The following ZNF324B variants were observed in gnomAD, a reference collection of about 807,000 sequenced individuals.
The protein encoded by ZNF324B is zinc finger protein 324B.
Under a neutral mutation model 10.6 loss-of-function variants are expected in ZNF324B, and 7 were observed. That is an observed-to-expected ratio of 0.66 (90% confidence interval 0.38 to 1.24). ZNF324B has a LOEUF of 1.24. Among genes scored for constraint, ZNF324B ranks in the 50% most tolerant of loss-of-function variants. The pLI is 0.02. For missense variants in ZNF324B, 640 were observed against 764.7 expected (o/e 0.84, Z 1.92); for synonymous variants, 316 against 321.0 (o/e 0.98, Z 0.17).
chr19:58,435,232 G>T, the ZNF324B span: 1 of 1,590,662 alleles, frequency 6.3e-7, no homozygotes, highest in Non-Finnish European at 8.6e-7. Context: ...AGAAATGCCA[G>T]TTAACTAAGA....
chr19:58,444,165 T>A, the ZNF324B span: 1,085 of 152,230 alleles, frequency 7.1e-3, 5 homozygotes, highest in Non-Finnish European at 8.7e-3. Flanking sequence ...TTAAAAAAAA[T>A]TTTCCTGACC....
At chr19:58,424,369 C>CAT in the ZNF324B span, among the ~76,000 whole-genome samples, 2 of 152,130 alleles carry the variant, frequency 1.3e-5, no homozygotes, top group Non-Finnish European at 2.9e-5. Context: ...ATAAATAACA[C>CAT]TTATAACTCG....
rs1356282831 is a variant in ZNF324B, at chr19:58,453,814, C to G, written c.113C>G (p.Thr38Ser). The G allele has an allele frequency of 6.2e-7, 1 of 1,613,752 alleles. No homozygotes were observed. Among genetic ancestry groups the G allele is most frequent in the Admixed American group, 1.7e-5 (1 of 59,972 alleles). The change falls in exon 2 of 4, where the codon ACC (threonine) becomes AGC (serine). Residue 38 changes from threonine to serine, a missense_variant. Thr to Ser is a moderately conservative substitution (Grantham distance 58). Transcript: ENST00000336614. ...HVMLENFTLV[T>S]SLGLSTSRPR... Reference sequence around the variant, plus strand: ...ATGCTGGAAAACTTCACACTTGTGACCTCACTTGGTAAGGCCCTGGGTGCT... The same window carrying G: ...ATGCTGGAAAACTTCACACTTGTGAGCTCACTTGGTAAGGCCCTGGGTGCT...
At chr19:58,424,378 C>T in the ZNF324B span, among the ~76,000 whole-genome samples, 2 of 152,148 alleles carry the variant, frequency 1.3e-5, no homozygotes, top group South Asian at 4.1e-4. Context: ...ACTTATAACT[C>T]GATTATAAGT....
At chr19:58,419,721 T>G in the ZNF324B span, among the ~76,000 whole-genome samples, 1 of 152,220 alleles carries the variant, frequency 6.6e-6, no homozygotes, top group Admixed American at 6.5e-5. Flanking sequence ...CTGTGGCCTT[T>G]GCAGTTGTCA....
chr19:58,444,611 C>A, the ZNF324B span: 1 of 152,370 alleles, frequency 6.6e-6, no homozygotes, highest in African/African-American at 2.4e-5. Context: ...ATGGTACTGA[C>A]CTGTCACCAG....
At chr19:58,440,104 C>T in the ZNF324B span, 1 of 469,780 alleles carries the variant, frequency 2.1e-6, no homozygotes, top group Non-Finnish European at 3.7e-6. Context: ...GGTGTGGCTC[C>T]AGAGGCCTGC....
At position 58,456,523 on chromosome 19, in the gene ZNF324B, C is replaced by G. The variant is rs1306370478; in HGVS notation, c.1579C>G (p.Arg527Gly). ...PGPGFLQGHH[R>G]KVRRGGKPSP... ...GCCAGGTTTCCTTCAGGGACATCAT[C>G]GGAAGGTGCGCCGGGGAGGGAAGCC... The change falls in exon 4 of 4, where the codon CGG (arginine) becomes GGG (glycine). Residue 527 changes from arginine to glycine, a missense_variant. Transcript: ENST00000336614. This position sits in a 1 kb window ranked among gnomAD's most constrained non-coding sequence, Gnocchi z 4.7. 3 of 1,614,090 alleles carry G rather than the reference C, an allele frequency of 1.9e-6. No homozygotes were observed. Among genetic ancestry groups the G allele is most frequent in the Admixed American group, 1.7e-5 (1 of 60,004 alleles).
chr19:58,450,546 C>A (rs2052848981), upstream of ZNF324B, among the ~76,000 whole-genome samples: 1 of 150,926 alleles, frequency 6.6e-6, no homozygotes, highest in African/African-American at 2.4e-5. Flanking sequence ...CACAATAGTA[C>A]TTAAGTGTTC....
the ZNF324B span, chr19:58,433,500 A>C: frequency 6.2e-7 from 1 of 1,614,072 alleles, no homozygotes; most frequent in South Asian, 1.1e-5. Flanking sequence ...CTTGTGTGTG[A>C]ACTCTCTGAT....
intron 3 of ZNF324B, among the ~76,000 whole-genome samples, chr19:58,454,789 T>C (rs1007373546): frequency 1.4e-4 from 21 of 151,996 alleles, no homozygotes; most frequent in African/African-American, 4.8e-4. Flanking sequence ...GTCTTGAGCA[T>C]TGGTTGGAGG....
chr19:58,420,853 A>C, the ZNF324B span, among the ~76,000 whole-genome samples: 1 of 151,498 alleles, frequency 6.6e-6, no homozygotes, highest in Non-Finnish European at 1.5e-5. Flanking sequence ...GATTATAGGC[A>C]TCGGCCAGCA....
the ZNF324B span, chr19:58,435,434 G>T: frequency 1.9e-6 from 1 of 520,142 alleles, no homozygotes; most frequent in Non-Finnish European, 3.4e-6. Flanking sequence ...TAAGGACACA[G>T]AAATGGGTCA....
At chr19:58,437,296 C>G in the ZNF324B span, 1 of 1,437,274 alleles carries the variant, frequency 7.0e-7, no homozygotes, top group Admixed American at 2.4e-5. Context: ...ACATCTACCA[C>G]TAATATCTCT....
chr19:58,427,387 T>TC, the ZNF324B span, among the ~76,000 whole-genome samples: 60 of 49,798 alleles, frequency 1.2e-3, no homozygotes, highest in African/African-American at 4.0e-3. Context: ...TCTTTCTTTC[T>TC]TTCTTTCTTT....
At chr19:58,433,016 C>G in the ZNF324B span, 1 of 382,464 alleles carries the variant, frequency 2.6e-6, no homozygotes. Context: ...CAGCTGAGCA[C>G]AGTCCTGAAT....
chr19:58,440,362 G>C, the ZNF324B span: 1 of 156,376 alleles, frequency 6.4e-6, no homozygotes, highest in East Asian at 1.9e-4. Flanking sequence ...GGACCCTCGC[G>C]GTGCCTCAGG....
chr19:58,433,889 C>G, the ZNF324B span: 2 of 1,613,804 alleles, frequency 1.2e-6, no homozygotes, highest in African/African-American at 2.7e-5. Flanking sequence ...TTCCTACATT[C>G]GCTGCACTCA....
chr19:58,418,763 C>T, the ZNF324B span: 1 of 152,054 alleles, frequency 6.6e-6, no homozygotes, highest in Non-Finnish European at 1.5e-5. Context: ...TTGTGTGGCA[C>T]CACATCTGAC....
Sources: allele counts gnomAD v4.1 joint callset (sites outside exome capture counted in the v4.1 genomes callset), GRCh38; gene constraint gnomAD v4.1.1; non-coding constraint Gnocchi (gnomAD v3.1); transcripts MANE v1.5; gene names NCBI Gene and HGNC (gene_info 2026-07-23, HGNC 2026-07-21).